The following NRXN3 variants were observed in gnomAD, a reference collection of about 807,000 sequenced individuals.
The protein encoded by NRXN3 is neurexin III.
A neutral mutation model predicts 137.6 loss-of-function variants in NRXN3; 32 were observed. That is an observed-to-expected ratio of 0.23 (90% CI 0.18 to 0.31). NRXN3 has a LOEUF of 0.31. NRXN3 is among the 10% of genes least tolerant of loss of function. NRXN3 has a pLI of 1.00. For synonymous variants in NRXN3, 798 were observed against 784.5 expected (o/e 1.02, Z -0.29); for missense variants, 1,574 against 2,062.5 (o/e 0.76, Z 4.59).
At chr14:79,081,354 G>A (rs1439029168) in intron 15 of NRXN3, among the ~76,000 whole-genome samples, 2 of 152,134 alleles carry the variant, frequency 1.3e-5, no homozygotes, top group Admixed American at 6.5e-5. Context: ...GGTGGCTCAC[G>A]CCTGTAATCC....
chr14:78,848,018 C>A (rs1251489711), intron 10 of NRXN3, among the ~76,000 whole-genome samples: 1 of 152,034 alleles, frequency 6.6e-6, no homozygotes, highest in Non-Finnish European at 1.5e-5. Flanking sequence ...AATTCCACCC[C>A]CGGCCTCTGG....
At chr14:78,464,707 T>C (rs939006297) in intron 4 of NRXN3, among the ~76,000 whole-genome samples, 2 of 152,232 alleles carry the variant, frequency 1.3e-5, no homozygotes, top group African/African-American at 4.8e-5. Flanking sequence ...CTGAGTTCCA[T>C]TCTCTAAGGA....
intron 6 of NRXN3, among the ~76,000 whole-genome samples, chr14:78,671,937 G>T (rs1239428733): frequency 6.6e-6 from 1 of 152,152 alleles, no homozygotes; most frequent in African/African-American, 2.4e-5. Context: ...TAAGGCATTT[G>T]TTGAATGCTA....
At chr14:79,185,655 C>G (rs568868471) in intron 15 of NRXN3, among the ~76,000 whole-genome samples, 2 of 151,860 alleles carry the variant, frequency 1.3e-5, no homozygotes, top group Non-Finnish European at 2.9e-5. Flanking sequence ...TTAGTAGAGA[C>G]AGGGTTTCAC....
intron 4 of NRXN3, among the ~76,000 whole-genome samples, chr14:78,366,140 G>C (rs1390523095): frequency 6.6e-6 from 1 of 152,160 alleles, no homozygotes; most frequent in Non-Finnish European, 1.5e-5. Flanking sequence ...TAAGTAAAGA[G>C]ATTAAACATA....
chr14:78,839,580 C>T (rs1397036609), intron 10 of NRXN3, among the ~76,000 whole-genome samples: 2 of 152,154 alleles, frequency 1.3e-5, no homozygotes, highest in Non-Finnish European at 2.9e-5. Context: ...CTGCACACCC[C>T]TTGGGGCTGG....
intron 16 of NRXN3, among the ~76,000 whole-genome samples, chr14:79,562,240 A>C (rs1466953069): frequency 2.0e-5 from 3 of 152,140 alleles, no homozygotes; most frequent in African/African-American, 7.2e-5. Flanking sequence ...TCATTCTACT[A>C]TTCTAATAAC....
chr14:78,578,870 G>A (rs551710874), intron 4 of NRXN3, among the ~76,000 whole-genome samples: 2 of 151,940 alleles, frequency 1.3e-5, no homozygotes, highest in Admixed American at 6.6e-5. Context: ...CAGCCCCTGA[G>A]AATGAGCATC....
intron 15 of NRXN3, among the ~76,000 whole-genome samples, chr14:79,198,987 A>G (rs113169323): frequency 0.036 from 5,409 of 152,268 alleles, 230 homozygotes; most frequent in East Asian, 0.21. Flanking sequence ...TAACATGGTG[A>G]AACCCTCTCT....
chr14:78,431,139 C>A (rs936387859), intron 4 of NRXN3, among the ~76,000 whole-genome samples: 1 of 152,166 alleles, frequency 6.6e-6, no homozygotes, highest in Non-Finnish European at 1.5e-5. Context: ...CTGAAGCAGA[C>A]CAGCAAGGCA....
intron 16 of NRXN3, among the ~76,000 whole-genome samples, chr14:79,573,837 G>A (rs1283084956): frequency 6.6e-6 from 1 of 151,886 alleles, no homozygotes; most frequent in Non-Finnish European, 1.5e-5. Context: ...TGAGGGTATG[G>A]TACAGAATAC....
At position 79,571,632 on chromosome 14, in the gene NRXN3, G is replaced by A. The variant is rs189097242; in HGVS notation, c.3445-92146G>A. ...ATAGGATCATTTTTCCCGTGGGCCA[G>A]ACCTCTGGAGAAGCAATTGGCATTG... On this transcript the variant is annotated intron_variant, in intron 16 of 20. Transcript: ENST00000335750. Among the ~76,000 whole-genome samples, 449 of 152,266 alleles carry A rather than the reference G, an allele frequency of 2.9e-3. 4 individuals carry two copies. The highest frequency in any genetic ancestry group is 1.7e-3 in the Non-Finnish European group (114 of 68,024).
chr14:78,943,457 G>A (rs575812782), intron 10 of NRXN3, among the ~76,000 whole-genome samples: 7 of 150,894 alleles, frequency 4.6e-5, no homozygotes, highest in Non-Finnish European at 7.4e-5. Context: ...AAGCACCCTG[G>A]TGGGACACTC....
chr14:79,363,854 A>G (rs1355684692), intron 15 of NRXN3, among the ~76,000 whole-genome samples: 2 of 152,346 alleles, frequency 1.3e-5, no homozygotes, highest in Non-Finnish European at 2.9e-5. Context: ...TATTGTGATA[A>G]GAAATTTATA....
At chr14:79,426,501 T>A (rs1239503542) in intron 15 of NRXN3, among the ~76,000 whole-genome samples, 1 of 152,234 alleles carries the variant, frequency 6.6e-6, no homozygotes, top group Admixed American at 6.5e-5. Context: ...ATTGATAGAA[T>A]GTGCAGGAGA....
At chr14:78,430,089 T>G (rs2093818366) in intron 4 of NRXN3, among the ~76,000 whole-genome samples, 1 of 151,978 alleles carries the variant, frequency 6.6e-6, no homozygotes, top group African/African-American at 2.4e-5. Context: ...TTTAAAAAAA[T>G]TAGCTGGGTA....
At chr14:78,575,295 G>A (rs2096926206) in intron 4 of NRXN3, among the ~76,000 whole-genome samples, 1 of 152,192 alleles carries the variant, frequency 6.6e-6, no homozygotes, top group Non-Finnish European at 1.5e-5. Context: ...TCATAGGATG[G>A]TAATATAATA....
rs74248991 is a variant in NRXN3, at chr14:79,347,752, G to A, written c.3263-119469G>A. 7.9e-3 allele frequency among the ~76,000 whole-genome samples: 1,195 copies of A among 152,226 alleles called. 24 individuals carry two copies. In the South Asian group the frequency reaches 0.081, roughly 10 times the overall value. The stretch of plus-strand genomic sequence containing the variant: ...TCCCTTTTCAGTAGCAGGTGAAACC[G>A]TCTTGGTATTGACACAGAAATGCTG... On this transcript the variant is annotated intron_variant, in intron 15 of 20. Coordinates refer to ENST00000335750, the MANE Select transcript of NRXN3 (RefSeq NM_001330195.2).
intron 3 of NRXN3, among the ~76,000 whole-genome samples, chr14:78,295,228 C>T (rs1186204783): frequency 6.6e-6 from 1 of 152,172 alleles, no homozygotes; most frequent in African/African-American, 2.4e-5. Flanking sequence ...TGGTTTCTCC[C>T]CCCAGTCCTG....
Sources: gnomAD v4.1 joint callset for allele counts (sites outside exome capture counted in the v4.1 genomes callset) on GRCh38, gnomAD v4.1.1 for gene constraint, MANE v1.5 for transcripts, NCBI Gene and HGNC (gene_info 2026-07-23, HGNC 2026-07-21) for gene names.